The following PCDHGB2 variants were observed in gnomAD, a reference collection of about 807,000 sequenced individuals.
PCDHGB2 encodes the protein protocadherin gamma-B2.
In PCDHGB2, 55 loss-of-function variants were observed where a neutral mutation model predicts 59.3. That is an observed-to-expected ratio of 0.93 (90% CI 0.75 to 1.16). The LOEUF (loss-of-function observed/expected upper bound fraction) is 1.16, where lower values mean the gene tolerates loss of function less well. PCDHGB2 is among the 50% of genes most tolerant of loss of function. The probability of loss-of-function intolerance (pLI) is 0.00; values close to 1 mark genes in which losing one functional copy is unlikely to be tolerated. For synonymous variants in PCDHGB2, 516 were observed against 512.0 expected (o/e 1.01, Z -0.11); for missense variants, 1,228 against 1,198.5 (o/e 1.02, Z -0.36).
At chr5:141,418,669 C>T (rs2096278985) in intron 1 of PCDHGB2, 1 of 1,614,018 alleles carries the variant, frequency 6.2e-7, no homozygotes, top group Non-Finnish European at 8.5e-7. Flanking sequence ...CTGACCAGGA[C>T]GAGGGCATCA....
intron 1 of PCDHGB2, among the ~76,000 whole-genome samples, chr5:141,369,978 A>AT (rs1300549847): frequency 6.6e-6 from 1 of 152,234 alleles, no homozygotes; most frequent in Non-Finnish European, 1.5e-5. Flanking sequence ...AAGGTACTTG[A>AT]TTTGGATGGA....
rs976415127 is a variant in PCDHGB2 at position 141,360,310 on chromosome 5, C to A, written c.175C>A (p.Arg59=). 1.6e-5 allele frequency: 26 copies of A among 1,613,804 alleles called. No individual in the cohort carries two copies. Among genetic ancestry groups the A allele is most frequent in the Non-Finnish European group, 2.1e-5 (25 of 1,179,892 alleles). ...NLAKDLGLSV[R]DLPARKLRVS... ...CGCCAAGGATCTGGGGCTCAGCGTC[C>A]GGGACTTGCCAGCCCGGAAGCTGCG... is the stretch of plus-strand genomic sequence containing the variant. The change falls in exon 1 of 4, where the codon CGG becomes AGG. Residue 59 remains arginine (R), a synonymous_variant. Transcript: ENST00000522605.
chr5:141,377,926 T>C (rs1194396438), intron 1 of PCDHGB2: 1 of 152,186 alleles, frequency 6.6e-6, no homozygotes, highest in Non-Finnish European at 1.5e-5. Flanking sequence ...AATCCACCTG[T>C]AACTGCTGCT....
intron 1 of PCDHGB2, chr5:141,393,012 G>T: frequency 1.9e-6 from 3 of 1,613,842 alleles, no homozygotes; most frequent in Non-Finnish European, 2.5e-6. Context: ...AGTCCGTATC[G>T]TCTCCAGAGG....
At chr5:141,421,788 G>C (rs1262781272) in intron 1 of PCDHGB2, 7 of 1,613,682 alleles carry the variant, frequency 4.3e-6, no homozygotes, top group Admixed American at 3.3e-5. Flanking sequence ...GGGGCAGAAC[G>C]GATGGGGCCA....
chr5:141,365,615 AC>A (rs1215729204), intron 1 of PCDHGB2: 1 of 1,613,178 alleles, frequency 6.2e-7, no homozygotes, highest in Non-Finnish European at 8.5e-7. Context: ...GGACCATGGA[AC>A]CCCGCCCCTC....
intron 1 of PCDHGB2, among the ~76,000 whole-genome samples, chr5:141,459,220 A>G (rs1234283814): frequency 6.6e-6 from 1 of 152,234 alleles, no homozygotes; most frequent in Non-Finnish European, 1.5e-5. Flanking sequence ...CTCCAGCTCC[A>G]GGCAACAACT....
chr5:141,430,655 G>C (rs1309165721), intron 1 of PCDHGB2: 2 of 1,085,056 alleles, frequency 1.8e-6, no homozygotes, highest in Non-Finnish European at 2.6e-6. Flanking sequence ...TGGAAACAAC[G>C]GAGGAGCTCT....
intron 1 of PCDHGB2, among the ~76,000 whole-genome samples, chr5:141,445,929 A>G (rs1388363296): frequency 6.6e-6 from 1 of 152,208 alleles, no homozygotes; most frequent in Non-Finnish European, 1.5e-5. Context: ...AAGATATTTG[A>G]ATTATTAAGC....
intron 1 of PCDHGB2, among the ~76,000 whole-genome samples, chr5:141,448,838 T>C (rs2098609981): frequency 6.6e-6 from 1 of 151,802 alleles, no homozygotes; most frequent in Non-Finnish European, 1.5e-5. Flanking sequence ...CCAGCTACTC[T>C]GGAGGCTGAG....
chr5:141,479,000 T>C (rs2099485433), intron 1 of PCDHGB2, among the ~76,000 whole-genome samples: 1 of 152,244 alleles, frequency 6.6e-6, no homozygotes, highest in Non-Finnish European at 1.5e-5. Flanking sequence ...TTAAAACTAA[T>C]AGCTTTTTGA....
At chr5:141,426,955 C>T (rs1380917458) in intron 1 of PCDHGB2, 3 of 456,658 alleles carry the variant, frequency 6.6e-6, no homozygotes, top group South Asian at 1.5e-5. Flanking sequence ...ACTGGCACTG[C>T]TGCAATTCAA....
chr5:141,414,843 G>T (rs2095794241), intron 1 of PCDHGB2: 1 of 1,614,100 alleles, frequency 6.2e-7, no homozygotes, highest in Admixed American at 1.7e-5. Context: ...GCCTGTTTGT[G>T]CTGGACCAGA....
chr5:141,511,733 T>C lies in PCDHGB2; in HGVS notation c.*560T>C, dbSNP rs1032711521. 9 of 177,040 alleles carry C rather than the reference T, an allele frequency of 5.1e-5. No individual in the cohort carries two copies. The highest frequency in any genetic ancestry group is 8.7e-5 in the Non-Finnish European group (7 of 80,868). The allele number at this position is 177,040 out of a possible 1,614,324, so 11.0% of individuals were successfully genotyped here. ...TCCTTCCAGAGCCCAAGATCAATGC[T>C]CAAGTTTTGGAGGACATGATCACCA... On this transcript the variant is annotated 3_prime_UTR_variant, in exon 4 of 4. Transcript: ENST00000522605.
At chr5:141,378,986 C>T (rs1369970851) in intron 1 of PCDHGB2, 2 of 152,156 alleles carry the variant, frequency 1.3e-5, no homozygotes, top group African/African-American at 4.8e-5. Flanking sequence ...TGTTGAACTA[C>T]ATTATAGTCA....
At chr5:141,383,927 A>C in intron 1 of PCDHGB2, 1 of 1,613,800 alleles carries the variant, frequency 6.2e-7, no homozygotes, top group Non-Finnish European at 8.5e-7. Context: ...GTAAATGATA[A>C]TGCTCCAGAA....
At chr5:141,408,947 ATTAGTC>A in intron 1 of PCDHGB2, 6 of 1,613,666 alleles carry the variant, frequency 3.7e-6, no homozygotes, top group Non-Finnish European at 5.1e-6. Context: ...CGAATATAGA[ATTAGTC>A]TTAGTGAAAA....
At chr5:141,413,639 G>T (rs893578830) in intron 1 of PCDHGB2, 1 of 1,613,736 alleles carries the variant, frequency 6.2e-7, no homozygotes, top group African/African-American at 1.3e-5. Flanking sequence ...GCGGGAATGC[G>T]TTTTCCTCTC....
Position 141,489,075 on chromosome 5 carries a change from C to A in PCDHGB2, c.2422-5732C>A. The A allele has an allele frequency of 3.1e-6, 1 of 324,814 alleles. No individual in the cohort carries two copies. The highest frequency in any genetic ancestry group is 5.5e-6 in the Non-Finnish European group (1 of 180,380). The allele number at this position is 324,814 out of a possible 1,614,324, so 20.1% of individuals were successfully genotyped here. A position where few individuals can be genotyped will look rare whatever the true frequency, so the allele number is the denominator to read the frequency against. ...TCAGCTCCCCTCCCCCCTGCCCACCCCCGCCACTCGGTGACTAAGAACTGC... is the reference window on the plus strand; with the variant it reads ...TCAGCTCCCCTCCCCCCTGCCCACCACCGCCACTCGGTGACTAAGAACTGC... On this transcript the variant is annotated intron_variant, in intron 1 of 3. Coordinates refer to ENST00000522605, the MANE Select transcript of PCDHGB2 (RefSeq NM_018923.3). The surrounding 1 kb of genome is among the most constrained non-coding windows in gnomAD (Gnocchi z 4.5).
Sources: allele counts gnomAD v4.1 joint callset (sites outside exome capture counted in the v4.1 genomes callset), GRCh38; gene constraint gnomAD v4.1.1; non-coding constraint Gnocchi (gnomAD v3.1); transcripts MANE v1.5; gene names NCBI Gene and HGNC (gene_info 2026-07-23, HGNC 2026-07-21).